ZMAT4: variants seen among roughly 807,000 people sequenced by gnomAD.
The protein encoded by ZMAT4 is zinc finger matrin-type protein 4.
In ZMAT4, 17 loss-of-function variants were observed where a neutral mutation model predicts 28.7. The observed-to-expected ratio is 0.59, with a 90% CI of 0.41 to 0.89. The LOEUF (loss-of-function observed/expected upper bound fraction) is 0.89, where lower values mean the gene tolerates loss of function less well. Among genes scored for constraint, ZMAT4 ranks in the 40% least tolerant of loss-of-function variants. The probability of loss-of-function intolerance (pLI) is 0.00; values close to 1 mark genes in which losing one functional copy is unlikely to be tolerated. For missense variants in ZMAT4, 240 were observed against 283.8 expected (o/e 0.85, Z 1.11); for synonymous variants, 117 against 109.2 (o/e 1.07, Z -0.44).
At chr8:40,722,249 G>A (rs1462636366) in intron 3 of ZMAT4, among the ~76,000 whole-genome samples, 1 of 152,060 alleles carries the variant, frequency 6.6e-6, no homozygotes, top group Non-Finnish European at 1.5e-5. Flanking sequence ...CCTACAAAAT[G>A]GGAGAAAATT....
At chr8:40,790,419 T>A (rs1814273281) in intron 2 of ZMAT4, among the ~76,000 whole-genome samples, 1 of 152,266 alleles carries the variant, frequency 6.6e-6, no homozygotes, top group South Asian at 2.1e-4. Flanking sequence ...AATTAGAAAT[T>A]GATATTTTTA....
At chr8:40,551,923 G>A (rs990490253) in intron 6 of ZMAT4, among the ~76,000 whole-genome samples, 3 of 152,106 alleles carry the variant, frequency 2.0e-5, no homozygotes, top group African/African-American at 7.2e-5. Flanking sequence ...CAAAGAAGAA[G>A]AGTACTAAAA....
chr8:40,824,539 C>T (rs1815951470), intron 2 of ZMAT4, among the ~76,000 whole-genome samples: 1 of 151,246 alleles, frequency 6.6e-6, no homozygotes, highest in Admixed American at 6.6e-5. Context: ...CAGAACATGC[C>T]CTAGTAGCTC....
chr8:40,866,404 C>G (rs1224581279), intron 1 of ZMAT4, among the ~76,000 whole-genome samples: 1 of 152,206 alleles, frequency 6.6e-6, no homozygotes, highest in East Asian at 1.9e-4. Flanking sequence ...CACTGGCACC[C>G]CAGGCACGTT....
intron 6 of ZMAT4, among the ~76,000 whole-genome samples, chr8:40,553,920 T>C (rs573353791): frequency 2.0e-5 from 3 of 152,326 alleles, no homozygotes; most frequent in African/African-American, 4.8e-5. Context: ...TCACATCCAA[T>C]GATACAGCTC....
intron 5 of ZMAT4, among the ~76,000 whole-genome samples, chr8:40,636,489 G>T (rs1304904186): frequency 6.6e-6 from 1 of 152,166 alleles, no homozygotes; most frequent in Non-Finnish European, 1.5e-5. Context: ...GTGTTCAGAA[G>T]GTCAGCTTCA....
chr8:40,578,513 T>C (rs1016440664), intron 6 of ZMAT4, among the ~76,000 whole-genome samples: 10 of 152,132 alleles, frequency 6.6e-5, no homozygotes, highest in Non-Finnish European at 1.5e-4. Flanking sequence ...CCTTAAAAAT[T>C]AGACACTTCT....
intron 2 of ZMAT4, among the ~76,000 whole-genome samples, chr8:40,819,419 T>C (rs895184599): frequency 2.0e-5 from 3 of 152,164 alleles, no homozygotes; most frequent in Non-Finnish European, 4.4e-5. Flanking sequence ...TGCAGACACC[T>C]AGGCCTTCAT....
intron 4 of ZMAT4, among the ~76,000 whole-genome samples, chr8:40,682,910 T>TGAATTTTAATCATTGA (rs1240524296): frequency 4.6e-5 from 7 of 152,190 alleles, no homozygotes; most frequent in African/African-American, 1.7e-4. Flanking sequence ...AATAAGCCAT[T>TGAATTTTAATCATTGA]AAATAGAACT....
chr8:40,641,018 A>G (rs1156629261), intron 5 of ZMAT4, among the ~76,000 whole-genome samples: 1 of 152,094 alleles, frequency 6.6e-6, no homozygotes, highest in Non-Finnish European at 1.5e-5. Context: ...AGCAGCAACT[A>G]CAATAGAACA....
intron 1 of ZMAT4, among the ~76,000 whole-genome samples, chr8:40,838,336 T>C (rs1816573016): frequency 6.6e-6 from 1 of 152,048 alleles, no homozygotes; most frequent in Non-Finnish European, 1.5e-5. Flanking sequence ...GTGATGCCCC[T>C]CTTTTGTTTA....
intron 2 of ZMAT4, among the ~76,000 whole-genome samples, chr8:40,786,035 T>G (rs984866832): frequency 1.3e-5 from 2 of 152,188 alleles, no homozygotes; most frequent in African/African-American, 2.4e-5. Context: ...CTGACTTCCA[T>G]GACAAAACAC....
chr8:40,558,756 A>G lies in ZMAT4; in HGVS notation c.674+22409T>C, dbSNP rs1391606243. On this transcript the variant is annotated intron_variant, in intron 6 of 6. Coordinates refer to ENST00000297737, the MANE Select transcript of ZMAT4 (RefSeq NM_024645.3). ...AAATCCTAAGGCCCCCAACTGACTG[A>G]ACGGGCTCCCGCTTCTTGGCCGAGG... Among the ~76,000 whole-genome samples, 5 of 152,204 alleles carry G rather than the reference A, an allele frequency of 3.3e-5. No individual in the cohort carries two copies. In the East Asian group the frequency reaches 9.7e-4, roughly 30 times the overall value.
chr8:40,846,148 A>C (rs1444698996), intron 1 of ZMAT4, among the ~76,000 whole-genome samples: 3 of 152,164 alleles, frequency 2.0e-5, no homozygotes, highest in Non-Finnish European at 4.4e-5. Context: ...CTATTTGTAC[A>C]CCTTCTTCCA....
At chr8:40,890,750 C>T (rs1195722970) in intron 1 of ZMAT4, among the ~76,000 whole-genome samples, 1 of 152,166 alleles carries the variant, frequency 6.6e-6, no homozygotes, top group Non-Finnish European at 1.5e-5. Flanking sequence ...CTCCCCTTGC[C>T]CCCAAAACAT....
intron 6 of ZMAT4, among the ~76,000 whole-genome samples, chr8:40,569,824 C>T (rs1473897839): frequency 6.6e-6 from 1 of 152,122 alleles, no homozygotes; most frequent in Non-Finnish European, 1.5e-5. Flanking sequence ...AGCTTCTAGG[C>T]CACCGTGCAG....
rs1023368780 is a variant in ZMAT4 at position 40,531,669 on chromosome 8, G to T, written c.*554C>A. The T allele has an allele frequency of 6.6e-6, 1 of 152,518 alleles. No homozygotes were observed. The highest frequency in any genetic ancestry group is 6.5e-5 in the Admixed American group (1 of 15,270). The allele number at this position is 152,518 out of a possible 1,614,324, so 9.4% of individuals were successfully genotyped here. ...TCCCTTCGTCTTCATTGTTCAGATG[G>T]TAAACCTGGCTCCTGTGCTTGGAGA... On this transcript the variant is annotated 3_prime_UTR_variant, in exon 7 of 7. Transcript: ENST00000297737.
intron 3 of ZMAT4, among the ~76,000 whole-genome samples, chr8:40,740,455 C>T (rs554675645): frequency 3.3e-5 from 5 of 152,268 alleles, no homozygotes; most frequent in Admixed American, 2.0e-4. Flanking sequence ...ATATGTAATG[C>T]TTGTGTGATA....
chr8:40,750,915 T>G (rs1437651314), intron 3 of ZMAT4, among the ~76,000 whole-genome samples: 1 of 152,212 alleles, frequency 6.6e-6, no homozygotes, highest in African/African-American at 2.4e-5. Flanking sequence ...CCAGAATTCT[T>G]TTATTCAAAC....
Sources: gnomAD v4.1 joint callset for allele counts (sites outside exome capture counted in the v4.1 genomes callset) on GRCh38, gnomAD v4.1.1 for gene constraint, MANE v1.5 for transcripts, NCBI Gene and HGNC (gene_info 2026-07-23, HGNC 2026-07-21) for gene names.